The following MED13L variants were observed in gnomAD, a reference collection of about 807,000 sequenced individuals.
The protein encoded by MED13L is mediator complex subunit 13L, also known as mediator of RNA polymerase II transcription subunit 13-like.
A neutral mutation model predicts 220.9 loss-of-function variants in MED13L; 7 were observed. The observed-to-expected ratio is 0.03, with a 90% CI of 0.02 to 0.06. The LOEUF (loss-of-function observed/expected upper bound fraction) is 0.06. MED13L is among the 10% of genes least tolerant of loss of function. The pLI is 1.00. For synonymous variants in MED13L, 1,011 were observed against 1,015.2 expected, an observed-to-expected ratio of 1.00 and a Z score of 0.08; for missense variants, 1,965 against 2,760.5, an observed-to-expected ratio of 0.71 and a Z score of 6.46.
chr12:116,274,447 G>A (rs1246861948), intron 1 of MED13L, among the ~76,000 whole-genome samples: 1 of 148,744 alleles, frequency 6.7e-6, no homozygotes, highest in African/African-American at 2.5e-5. Flanking sequence ...AACCCTGCAG[G>A]CCAAAAGAAA....
intron 2 of MED13L, among the ~76,000 whole-genome samples, chr12:116,154,477 T>G (rs1273180141): frequency 1.3e-5 from 2 of 152,214 alleles, no homozygotes; most frequent in African/African-American, 4.8e-5. Flanking sequence ...AAACTCTACT[T>G]TTTTAAAGAA....
intron 14 of MED13L, among the ~76,000 whole-genome samples, 156 bp downstream of exon 14, chr12:116,002,847 C>G (rs1878831121): frequency 6.6e-6 from 1 of 152,196 alleles, no homozygotes; most frequent in South Asian, 2.1e-4. Flanking sequence ...CCTGCCATCT[C>G]AGAACACCAA....
chr12:116,261,675 T>C (rs189443189), intron 1 of MED13L, among the ~76,000 whole-genome samples: 2 of 152,298 alleles, frequency 1.3e-5, no homozygotes, highest in Admixed American at 6.5e-5. Context: ...GTCTACTGTT[T>C]AACAACTTCA....
At chr12:116,235,280 GCACT>G (rs1286630282) in intron 2 of MED13L, among the ~76,000 whole-genome samples, 6 of 152,014 alleles carry the variant, frequency 3.9e-5, no homozygotes, top group Non-Finnish European at 8.8e-5. Flanking sequence ...AAGAGGAGAC[GCACT>G]CAATGAAATT....
chr12:116,267,962 T>C (rs896579660), intron 1 of MED13L, among the ~76,000 whole-genome samples: 1 of 152,186 alleles, frequency 6.6e-6, no homozygotes, highest in African/African-American at 2.4e-5. Flanking sequence ...CTAGATAAAA[T>C]ATATTCAGAA....
At position 116,134,110 on chromosome 12, in the gene MED13L, G is replaced by T. The variant is rs534067271; in HGVS notation, c.311-22598C>A. ...GGCATAATAAAATAAACTGTTTTTT[G>T]CTACTGAGTTTTGATATTAGATGAT... is the stretch of plus-strand genomic sequence containing the variant. On this transcript the variant is annotated intron_variant, in intron 2 of 30. Coordinates refer to ENST00000281928, the MANE Select transcript of MED13L (RefSeq NM_015335.5). Among the ~76,000 whole-genome samples the T allele has an allele frequency of 2.6e-5, 4 of 152,162 alleles. No homozygotes were observed. The East Asian group carries it at 7.7e-4, about 29-fold the overall frequency.
intron 16 of MED13L, among the ~76,000 whole-genome samples, chr12:115,994,306 T>A (rs1747756539): frequency 1.3e-5 from 2 of 152,062 alleles, no homozygotes; most frequent in Non-Finnish European, 2.9e-5. Context: ...AAAAATTAGC[T>A]GGGTGTGGTG....
intron 2 of MED13L, among the ~76,000 whole-genome samples, chr12:116,154,905 C>A (rs1657977205): frequency 6.6e-6 from 1 of 152,254 alleles, no homozygotes; most frequent in African/African-American, 2.4e-5. Context: ...CGGCTCACTG[C>A]AACCTCTGCC....
intron 26 of MED13L, among the ~76,000 whole-genome samples, 195 bp downstream of exon 26, chr12:115,971,883 T>C (rs762174162): frequency 1.3e-5 from 2 of 152,188 alleles, no homozygotes; most frequent in Admixed American, 6.5e-5. Flanking sequence ...CCCCGAGCTA[T>C]GGTCAACAAA....
At chr12:116,224,083 CA>C (rs1186322040) in intron 2 of MED13L, among the ~76,000 whole-genome samples, 1 of 152,124 alleles carries the variant, frequency 6.6e-6, no homozygotes, top group Non-Finnish European at 1.5e-5. Context: ...CAATGATGGG[CA>C]AAAGTCAGAT....
rs80208944 is a variant in MED13L, at chr12:116,255,525, T to C, written c.73-17820A>G. On this transcript the variant is annotated intron_variant, in intron 1 of 30. Coordinates refer to ENST00000281928, the MANE Select transcript of MED13L (RefSeq NM_015335.5). Reference sequence around the variant, plus strand: ...TAGATTTATAAAAGTAATACTTGACTTAATCAAAATTTAAAGCTTTTGTTA... The same window carrying C: ...TAGATTTATAAAAGTAATACTTGACCTAATCAAAATTTAAAGCTTTTGTTA... Among the ~76,000 whole-genome samples the C allele has an allele frequency of 4.4e-3, 667 of 152,174 alleles. 6 individuals carry two copies. Among genetic ancestry groups the C allele is most frequent in the African/African-American group, 0.015 (619 of 41,442 alleles).
At chr12:116,114,028 A>G (rs1874316773) in intron 2 of MED13L, among the ~76,000 whole-genome samples, 1 of 152,170 alleles carries the variant, frequency 6.6e-6, no homozygotes, top group South Asian at 2.1e-4. Flanking sequence ...TAAATACTTC[A>G]GCGTGCATCA....
intron 2 of MED13L, among the ~76,000 whole-genome samples, chr12:116,236,669 CTTGCTTGAGAAAATCCCT>C (rs1451342000): frequency 1.3e-5 from 2 of 152,076 alleles, no homozygotes; most frequent in Non-Finnish European, 2.9e-5. Context: ...TAGAATTAGT[CTTGCTTGAGAAAATCCCT>C]TTGCATACTA....
chr12:116,175,222 A>T (rs541063883), intron 2 of MED13L, among the ~76,000 whole-genome samples: 1 of 152,278 alleles, frequency 6.6e-6, no homozygotes, highest in South Asian at 2.1e-4. Flanking sequence ...AAGTGTTAAG[A>T]TTTATCTCAA....
At chr12:116,068,409 T>C (rs1288465837) in intron 4 of MED13L, among the ~76,000 whole-genome samples, 2 of 152,236 alleles carry the variant, frequency 1.3e-5, no homozygotes, top group East Asian at 3.8e-4. Context: ...TTGCTAATTA[T>C]CATTTATCAA....
At chr12:116,097,608 A>T (rs1400915193) in intron 3 of MED13L, among the ~76,000 whole-genome samples, 2 of 152,206 alleles carry the variant, frequency 1.3e-5, no homozygotes, top group African/African-American at 4.8e-5. Flanking sequence ...AAAGGACTTG[A>T]TTATGGCTTT....
rs761911776 is a variant in MED13L at position 116,006,412 on chromosome 12, CTG to C, written c.2239-3_2239-2del. 14 of 1,612,982 alleles carry C rather than the reference CTG, an allele frequency of 8.7e-6. No homozygotes were observed. In the East Asian group the frequency reaches 1.8e-4, roughly 21 times the overall value. ...CCTTGGTACCAAATCCATCCTCTGA[CTG>C]TATAATAAATTCAGCCAAACAAAAC... is the stretch of plus-strand genomic sequence containing the variant. On this transcript the variant is annotated splice_acceptor_variant and splice_polypyrimidine_tract_variant and intron_variant, in intron 11 of 30. Coordinates refer to ENST00000281928, the MANE Select transcript of MED13L (RefSeq NM_015335.5). LOFTEE classifies it high-confidence loss of function.
rs200641273 is a variant in MED13L at position 115,980,830 on chromosome 12, G to A, written c.5284C>T (p.Leu1762=). 2.6e-5 allele frequency: 41 copies of A among 1,600,352 alleles called. No homozygotes were observed. In the East Asian group the frequency reaches 9.0e-4, roughly 35 times the overall value. ...FSVYCQCRRP[L]PTQIHIKSLT... ...GATTTAATGTGGATCTGTGTAGGCAGTGGTCGCCTGCACTGGCAGTACACT... is the reference window on the plus strand; with the variant it reads ...GATTTAATGTGGATCTGTGTAGGCAATGGTCGCCTGCACTGGCAGTACACT... Residue 1762 remains leucine, a synonymous_variant, in exon 23 of 31, where the codon CTG becomes TTG. Coordinates refer to ENST00000281928, the MANE Select transcript of MED13L (RefSeq NM_015335.5).
intron 2 of MED13L, among the ~76,000 whole-genome samples, chr12:116,137,852 ATTTTTTT>A (rs5801166): frequency 8.4e-6 from 1 of 118,484 alleles, no homozygotes; most frequent in African/African-American, 3.5e-5. Context: ...TAATGAGGTA[ATTTTTTT>A]TTTTTTTTTT....
Sources: allele counts gnomAD v4.1 joint callset (sites outside exome capture counted in the v4.1 genomes callset), GRCh38; gene constraint gnomAD v4.1.1; transcripts MANE v1.5; gene names NCBI Gene and HGNC (gene_info 2026-07-23, HGNC 2026-07-21).